The following CREB5 variants were observed in gnomAD, a reference collection of about 807,000 sequenced individuals.
CREB5 encodes cyclic AMP-responsive element-binding protein 5.
In CREB5, 19 loss-of-function variants were observed where a neutral mutation model predicts 57.1. The observed-to-expected ratio is 0.33, with a 90% CI of 0.23 to 0.49. The LOEUF (loss-of-function observed/expected upper bound fraction) is 0.49, where lower values mean the gene tolerates loss of function less well. Ranked by LOEUF, CREB5 falls within the 20% of genes least tolerant of loss-of-function variation. The pLI is 0.99. For synonymous variants in CREB5, 238 were observed against 238.3 expected, an observed-to-expected ratio of 1.00 and a Z score of 0.01; for missense variants, 579 against 671.6, an observed-to-expected ratio of 0.86 and a Z score of 1.52.
At chr7:28,334,305 AC>A (rs1785771763) in intron 1 of CREB5, among the ~76,000 whole-genome samples, 1 of 151,994 alleles carries the variant, frequency 6.6e-6, no homozygotes, top group African/African-American at 2.4e-5. Context: ...ACAGGCATGT[AC>A]CACCATGCCT....
intron 4 of CREB5, among the ~76,000 whole-genome samples, chr7:28,560,855 T>TGCGTGCGCGCGC (rs1554344299): frequency 3.5e-5 from 2 of 56,386 alleles, no homozygotes; most frequent in Non-Finnish European, 3.5e-5. Flanking sequence ...CGCGTGTGTG[T>TGCGTGCGCGCGC]GTGCGTGTGC....
intron 7 of CREB5, among the ~76,000 whole-genome samples, chr7:28,792,147 A>G (rs892967964): frequency 2.0e-5 from 3 of 152,162 alleles, no homozygotes; most frequent in Non-Finnish European, 1.5e-5. Flanking sequence ...TTTACTAAAA[A>G]TACAAAAATT....
intron 1 of CREB5, among the ~76,000 whole-genome samples, chr7:28,373,207 G>C (rs1786750844): frequency 6.6e-6 from 1 of 152,224 alleles, no homozygotes; most frequent in African/African-American, 2.4e-5. Flanking sequence ...CATCAGAAGA[G>C]TAGGGGCATG....
chr7:28,817,182 A>G (rs1583814505), intron 9 of CREB5, among the ~76,000 whole-genome samples: 1 of 152,278 alleles, frequency 6.6e-6, no homozygotes, highest in South Asian at 2.1e-4. Flanking sequence ...TGACCAAATA[A>G]TCAATGAACT....
chr7:28,453,319 G>T (rs1483017635), intron 1 of CREB5, among the ~76,000 whole-genome samples: 2 of 152,034 alleles, frequency 1.3e-5, no homozygotes, highest in Non-Finnish European at 1.5e-5. Context: ...CACGCCTGTA[G>T]TCCTGGCTAC....
chr7:28,543,280 C>T (rs1192192224), intron 4 of CREB5, among the ~76,000 whole-genome samples: 5 of 152,096 alleles, frequency 3.3e-5, no homozygotes, highest in Admixed American at 6.5e-5. Context: ...AGTGCTTCCC[C>T]CACAGGTGAT....
At chr7:28,650,926 G>T (rs916558617) in intron 5 of CREB5, among the ~76,000 whole-genome samples, 2 of 152,132 alleles carry the variant, frequency 1.3e-5, no homozygotes, top group Admixed American at 6.5e-5. Flanking sequence ...GATGGCAGGG[G>T]TCTGTGCCCT....
intron 1 of CREB5, among the ~76,000 whole-genome samples, chr7:28,417,300 TATA>T (rs1187529475): frequency 6.6e-6 from 1 of 152,088 alleles, no homozygotes; most frequent in Non-Finnish European, 1.5e-5. Context: ...CATTTAAACA[TATA>T]ATCCATATAA....
chr7:28,342,190 G>C (rs1042800096), intron 1 of CREB5, among the ~76,000 whole-genome samples: 27 of 152,198 alleles, frequency 1.8e-4, no homozygotes, highest in Middle Eastern at 3.4e-3. Context: ...TAAATGTAAG[G>C]CCTCAAGTAT....
intron 1 of CREB5, among the ~76,000 whole-genome samples, chr7:28,364,956 G>A (rs1476481908): frequency 6.6e-6 from 1 of 152,016 alleles, no homozygotes; most frequent in Admixed American, 6.6e-5. Flanking sequence ...CTGGTACCTG[G>A]TTCATGGTCT....
At chr7:28,475,306 C>A in intron 1 of CREB5, among the ~76,000 whole-genome samples, 1 of 125,036 alleles carries the variant, frequency 8.0e-6, no homozygotes, top group South Asian at 2.5e-4. Context: ...CGTGGTGGCT[C>A]ATGCCTATAA....
intron 5 of CREB5, among the ~76,000 whole-genome samples, chr7:28,635,346 T>C (rs912850505): frequency 6.6e-6 from 1 of 152,230 alleles, no homozygotes; most frequent in Admixed American, 6.5e-5. Flanking sequence ...TTCCACTCTT[T>C]AGCACTTCTT....
In CREB5 at chr7:28,546,064, C is replaced by T. The variant is rs1794410635; in HGVS notation, c.292-24301C>T. On this transcript the variant is annotated intron_variant, in intron 4 of 10. Transcript: ENST00000357727. Reference sequence around the variant, plus strand: ...CACTCCCCGTCCCCATCCCCTTAGTCCTAGGCAACCAGAATCTACTTTCTG... The same window carrying T: ...CACTCCCCGTCCCCATCCCCTTAGTTCTAGGCAACCAGAATCTACTTTCTG... Among the ~76,000 whole-genome samples the T allele has an allele frequency of 2.0e-5, 3 of 152,190 alleles. No individual in the cohort carries two copies. In the South Asian group the frequency reaches 6.2e-4, roughly 32 times the overall value.
chr7:28,531,574 A>C lies in CREB5; in HGVS notation c.291+23837A>C, dbSNP rs1187383055. 2.0e-5 allele frequency among the ~76,000 whole-genome samples: 3 copies of C among 152,212 alleles called. No individual in the cohort carries two copies. The East Asian group carries it at 5.8e-4, about 29-fold the overall frequency. On this transcript the variant is annotated intron_variant, in intron 4 of 10. Coordinates refer to ENST00000357727, the MANE Select transcript of CREB5 (RefSeq NM_182898.4). ...TCTGTGATGACCCTGTTGCCAAACA[A>C]GGTCACATTCTGAGGTCCTGGGGAT...
At position 28,535,369 on chromosome 7, in the gene CREB5, T is replaced by TGGAAGGGA. The variant is rs573794074; in HGVS notation, c.291+27644_291+27651dup. Reference sequence around the variant, plus strand: ...AGGGAAGGATGGAAGGGAGGAAAGGTGGAAGGGAGGAAGGGAGGAGGAGGG... The same window carrying TGGAAGGGA: ...AGGGAAGGATGGAAGGGAGGAAAGGTGGAAGGGAGGAAGGGAGGAAGGGAGGAGGAGGG... On this transcript the variant is annotated intron_variant, in intron 4 of 10. Coordinates refer to ENST00000357727, the MANE Select transcript of CREB5 (RefSeq NM_182898.4). Among the ~76,000 whole-genome samples, 677 of 104,680 alleles carry TGGAAGGGA rather than the reference T, an allele frequency of 6.5e-3. 66 individuals are homozygous for TGGAAGGGA. Among genetic ancestry groups the TGGAAGGGA allele is most frequent in the African/African-American group, 0.023 (629 of 27,562 alleles). The allele number at this position is 104,680 out of a possible 152,430, so 68.7% of individuals were successfully genotyped here.
At chr7:28,611,537 G>C (rs753169269) in intron 5 of CREB5, among the ~76,000 whole-genome samples, 4 of 148,246 alleles carry the variant, frequency 2.7e-5, no homozygotes, top group Non-Finnish European at 4.5e-5. Context: ...GTGGTGGTGT[G>C]CCCCTGTAAT....
intron 4 of CREB5, among the ~76,000 whole-genome samples, chr7:28,560,854 G>A: frequency 1.0e-5 from 1 of 99,426 alleles, no homozygotes; most frequent in Non-Finnish European, 2.1e-5. Context: ...GCGCGTGTGT[G>A]TGTGCGTGTG....
chr7:28,431,838 G>A (rs959866521), intron 1 of CREB5, among the ~76,000 whole-genome samples: 7 of 152,144 alleles, frequency 4.6e-5, no homozygotes, highest in Non-Finnish European at 8.8e-5. Context: ...AGAATGTGGT[G>A]GACAAGGGGC....
intron 7 of CREB5, among the ~76,000 whole-genome samples, chr7:28,730,769 T>C (rs1803574866): frequency 6.6e-6 from 1 of 152,188 alleles, no homozygotes; most frequent in Non-Finnish European, 1.5e-5. Flanking sequence ...GCTTGTTTTA[T>C]AGACACAGAG....
Sources: allele counts gnomAD v4.1 joint callset (sites outside exome capture counted in the v4.1 genomes callset), GRCh38; gene constraint gnomAD v4.1.1; transcripts MANE v1.5; gene names NCBI Gene and HGNC (gene_info 2026-07-23, HGNC 2026-07-21).